Variants in KNL1 observed in about 807,000 individuals in gnomAD.
KNL1 encodes the protein kinetochore scaffold 1, also known as outer kinetochore KNL1 complex subunit KNL1.
KNL1 carries 66 observed loss-of-function variants against 201.3 expected under a neutral mutation model. The observed-to-expected ratio is 0.33, with a 90% CI of 0.27 to 0.40. The LOEUF is 0.40. Among genes scored for constraint, KNL1 ranks in the 10% least tolerant of loss-of-function variants. The pLI is 1.00. For synonymous variants in KNL1, 895 were observed against 899.2 expected, an observed-to-expected ratio of 1.00 and a Z score of 0.08; for missense variants, 2,815 against 2,690.5, an observed-to-expected ratio of 1.05 and a Z score of -1.02.
In KNL1 at chr15:40,605,101, C is replaced by T; in HGVS notation, c.36-9C>T. The T allele has an allele frequency of 7.0e-7, 1 of 1,427,264 alleles. No homozygotes were observed. Among genetic ancestry groups the T allele is most frequent in the Non-Finnish European group, 9.9e-7 (1 of 1,012,370 alleles). The allele number at this position is 1,427,264 out of a possible 1,614,324, so 88.4% of individuals were successfully genotyped here. On this transcript the variant is annotated splice_polypyrimidine_tract_variant and intron_variant, in intron 2 of 25. Coordinates refer to ENST00000399668, the MANE Select transcript of KNL1 (RefSeq NM_144508.5). The stretch of plus-strand genomic sequence containing the variant: ...TCACTGTGTATATAATTTTGTTTTC[C>T]TTTTTCAGTGACAATATAGAGAGAC...
At chr15:40,618,479 A>G (rs897578385) in intron 8 of KNL1, among the ~76,000 whole-genome samples, 2 of 152,080 alleles carry the variant, frequency 1.3e-5, no homozygotes, top group Non-Finnish European at 2.9e-5. Context: ...ACTCTTCTCC[A>G]TGGGACTTCT....
At chr15:40,597,398 G>A (rs1459650133) in intron 1 of KNL1, among the ~76,000 whole-genome samples, 1 of 152,156 alleles carries the variant, frequency 6.6e-6, no homozygotes, top group Admixed American at 6.6e-5. Context: ...GGGATTACAG[G>A]AACACGCTTC....
rs541584751 is a variant in KNL1, at chr15:40,610,426, A to G, written c.250+129A>G. The G allele has an allele frequency of 1.7e-4, 107 of 625,110 alleles. No homozygotes were observed. In the African/African-American group the frequency reaches 1.9e-3, roughly 11 times the overall value. 38.7% of individuals were successfully genotyped at this position (625,110 alleles called of 1,614,324 possible). A position where few individuals can be genotyped will look rare whatever the true frequency, so the allele number is the denominator to read the frequency against. On this transcript the variant is annotated intron_variant, in intron 6 of 25. Coordinates refer to ENST00000399668, the MANE Select transcript of KNL1 (RefSeq NM_144508.5). ...AAAAAATATATGATGGGCCATGCAT[A>G]GTGGTTCACACCTGTGATCCCGACA... is the stretch of plus-strand genomic sequence containing the variant.
At chr15:40,595,758 G>T (rs1040591912) in intron 1 of KNL1, among the ~76,000 whole-genome samples, 3 of 152,120 alleles carry the variant, frequency 2.0e-5, no homozygotes, top group Non-Finnish European at 4.4e-5. Context: ...TGTGACCAAA[G>T]AACTGATTAT....
chr15:40,601,817 G>T (rs1352500437), intron 1 of KNL1, among the ~76,000 whole-genome samples: 1 of 115,426 alleles, frequency 8.7e-6, no homozygotes, highest in Non-Finnish European at 1.7e-5. Flanking sequence ...GACAGAGCCA[G>T]ACTCCGTCTC....
Position 40,620,965 on chromosome 15 carries a change from C to T in KNL1, c.701C>T (p.Pro234Leu). 6.2e-7 allele frequency: 1 copy of T among 1,605,610 alleles called. No individual in the cohort carries two copies. The highest frequency in any genetic ancestry group is 8.5e-7 in the Non-Finnish European group (1 of 1,177,752). ...AAATGTAGTGCTTTTCCTGATGTGC[C>T]TGATAAAGAAAATTTTGAGATACCT... ...TGKCSAFPDV[P>L]DKENFEIPIY... The change falls in exon 10 of 26, where the codon CCT (proline) becomes CTT (leucine). Residue 234 changes from proline (P) to leucine (L), a missense_variant. By Grantham distance (98) the Pro-to-Leu change is moderately conservative. Transcript: ENST00000399668.
chr15:40,659,892 T>TTTTGTGTGTG (rs749156028), intron 25 of KNL1, among the ~76,000 whole-genome samples: 1 of 120,096 alleles, frequency 8.3e-6, no homozygotes, highest in African/African-American at 3.1e-5. Context: ...TTTGAAGAAT[T>TTTTGTGTGTG]TATGTGTGTG....
chr15:40,623,574 G>T lies in KNL1; in HGVS notation c.3310G>T (p.Asp1104Tyr). 1 of 1,613,624 alleles carries T rather than the reference G, an allele frequency of 6.2e-7. No homozygotes were observed. Residue 1104 changes from aspartate (D) to tyrosine (Y), a missense_variant, in exon 10 of 26, where the codon GAT becomes TAT. Physicochemically the swap from Asp to Tyr is radical, Grantham distance 160 (BLOSUM62 -3). Transcript: ENST00000399668. ...VEIDNESALE[D>Y]KEDFHLAGAS... ...AATAGATAACGAAAGTGCCCTGGAGGATAAAGAGGACTTCCATTTGGCAGG... is the reference window on the plus strand; with the variant it reads ...AATAGATAACGAAAGTGCCCTGGAGTATAAAGAGGACTTCCATTTGGCAGG...
rs1475242032 is a variant in KNL1 at position 40,621,289 on chromosome 15, A to G, written c.1025A>G (p.Gln342Arg). 6.2e-7 allele frequency: 1 copy of G among 1,614,028 alleles called. No homozygotes were observed. Among genetic ancestry groups the G allele is most frequent in the East Asian group, 2.2e-5 (1 of 44,866 alleles). ...ATGNFSEIEN[Q>R]TQNAMDVTTG... Reference sequence around the variant, plus strand: ...GGTAATTTTTCTGAAATAGAAAATCAAACTCAGAATGCCATGGATGTAACA... The same window carrying G: ...GGTAATTTTTCTGAAATAGAAAATCGAACTCAGAATGCCATGGATGTAACA... Residue 342 changes from glutamine (Q) to arginine (R), a missense_variant, in exon 10 of 26, where the codon CAA becomes CGA. Transcript: ENST00000399668.
chr15:40,624,739 T>C lies in KNL1; in HGVS notation c.4475T>C (p.Ile1492Thr). The change falls in exon 10 of 26, where the codon ATA becomes ACA. Residue 1492 changes from isoleucine (I) to threonine (T), a missense_variant. By Grantham distance (89) the Ile-to-Thr change is moderately conservative (BLOSUM62 -1). Transcript: ENST00000399668. ...CCCATATGTGAAAACAAGCCCAAAA[T>C]ACTCAATAGTGAGGAATGGTTTGCT... ...SAPICENKPK[I>T]LNSEEWFAAA... is the part of the protein sequence containing the mutation. The C allele has an allele frequency of 6.2e-7, 1 of 1,613,670 alleles. No individual in the cohort carries two copies. The highest frequency in any genetic ancestry group is 8.5e-7 in the Non-Finnish European group (1 of 1,179,886).
chr15:40,609,206 G>A (rs554240598), intron 5 of KNL1, among the ~76,000 whole-genome samples: 1 of 142,686 alleles, frequency 7.0e-6, no homozygotes, highest in East Asian at 2.0e-4. Context: ...CCAATAGTTC[G>A]AGACTAGCCC....
At chr15:40,661,928 C>T (rs1893920813) in intron 25 of KNL1, 146 bp from the exon 26 acceptor site, 4 of 490,320 alleles carry the variant, frequency 8.2e-6, no homozygotes, top group Admixed American at 3.4e-5. Flanking sequence ...GTAGTCCCAG[C>T]TACTCGGGAG....
chr15:40,622,057 C>G lies in KNL1; in HGVS notation c.1793C>G (p.Thr598Ser). The G allele has an allele frequency of 6.2e-7, 1 of 1,613,736 alleles. No homozygotes were observed. Among genetic ancestry groups the G allele is most frequent in the Non-Finnish European group, 8.5e-7 (1 of 1,179,750 alleles). Residue 598 changes from threonine to serine, a missense_variant, in exon 10 of 26, where the codon ACC becomes AGC. Coordinates refer to ENST00000399668, the MANE Select transcript of KNL1 (RefSeq NM_144508.5). ...GCTTATAATCTAGCACCGGAGAGTA[C>G]CAGTGAATCTCACTCTCAGAGCAAA... Reference protein sequence around the residue: ...LAAYNLAPESTSESHSQSKSS... With the variant: ...LAAYNLAPESSSESHSQSKSS...
intron 9 of KNL1, 68 bp from the exon 10 acceptor site, chr15:40,620,572 C>T: frequency 2.1e-6 from 2 of 935,680 alleles, no homozygotes; most frequent in Non-Finnish European, 3.1e-6. Context: ...TTATATAATA[C>T]ATGTTGTAAA....
At chr15:40,659,927 T>TGTGTGTGTGTGTGTGTGTGTGTG (rs71104714) in intron 25 of KNL1, among the ~76,000 whole-genome samples, 2 of 150,602 alleles carry the variant, frequency 1.3e-5, no homozygotes, top group East Asian at 2.0e-4. Context: ...TGTGTGTGTG[T>TGTGTGTGTGTGTGTGTGTGTGTG]TTGAGATGGA....
At chr15:40,595,696 A>G (rs1466394950) in intron 1 of KNL1, among the ~76,000 whole-genome samples, 1 of 152,220 alleles carries the variant, frequency 6.6e-6, no homozygotes, top group Non-Finnish European at 1.5e-5. Context: ...GTGCACTCCA[A>G]CATACTACCC....
chr15:40,625,651 T>G lies in KNL1; in HGVS notation c.5376+11T>G. ...ACACAAGATCGGGAGGTGAGCTCTG[T>G]CTTGAACCAAAGAATGTTCTTGAAT... On this transcript the variant is annotated intron_variant, in intron 10 of 25. Transcript: ENST00000399668. The G allele has an allele frequency of 6.3e-7, 1 of 1,597,750 alleles. No individual in the cohort carries two copies. The highest frequency in any genetic ancestry group is 8.5e-7 in the Non-Finnish European group (1 of 1,171,638).
chr15:40,660,388 C>T (rs188951363), intron 25 of KNL1, among the ~76,000 whole-genome samples: 56 of 151,818 alleles, frequency 3.7e-4, no homozygotes, highest in African/African-American at 1.3e-3. Context: ...CAGAGTCAGC[C>T]GGGCACAGTT....
chr15:40,600,660 T>C (rs544404146), intron 1 of KNL1, among the ~76,000 whole-genome samples: 69 of 152,374 alleles, frequency 4.5e-4, no homozygotes, highest in African/African-American at 1.6e-3. Flanking sequence ...TGTTTATGTG[T>C]ATTGTATTAA....
Sources: allele counts gnomAD v4.1 joint callset (sites outside exome capture counted in the v4.1 genomes callset), GRCh38; gene constraint gnomAD v4.1.1; transcripts MANE v1.5; gene names NCBI Gene and HGNC (gene_info 2026-07-23, HGNC 2026-07-21).